The following CMC1 variants were observed in gnomAD, a reference collection of about 807,000 sequenced individuals.
CMC1 encodes the protein COX assembly mitochondrial protein homolog.
CMC1 carries 14 observed loss-of-function variants against 14.1 expected under a neutral mutation model. The observed-to-expected ratio is 0.99, with a 90% CI of 0.66 to 1.55. CMC1 has a LOEUF of 1.55. Ranked by LOEUF, CMC1 falls within the 40% of genes most tolerant of loss-of-function variation. The pLI is 0.00. For missense variants in CMC1, 127 were observed against 123.8 expected, an observed-to-expected ratio of 1.03 and a Z score of -0.12; for synonymous variants, 50 against 38.4, an observed-to-expected ratio of 1.30 and a Z score of -1.12.
In CMC1 at chr3:28,324,451, C is replaced by A; in HGVS notation, c.*4822C>A. The A allele has an allele frequency of 6.8e-7, 1 of 1,466,894 alleles. No homozygotes were observed. Among genetic ancestry groups the A allele is most frequent in the Non-Finnish European group, 9.1e-7 (1 of 1,103,956 alleles). 90.9% of individuals were successfully genotyped at this position (1,466,894 alleles called of 1,614,324 possible). Reference sequence around the variant, plus strand: ...GTCTTCACTGCATCCTACAGGGGCACAGGCTAAAAAGAAAACACAGACTAA... The same window carrying A: ...GTCTTCACTGCATCCTACAGGGGCAAAGGCTAAAAAGAAAACACAGACTAA... On this transcript the variant is annotated 3_prime_UTR_variant, in exon 4 of 4. Transcript: ENST00000466830.
chr3:28,258,652 C>T (rs574486616), intron 1 of CMC1, among the ~76,000 whole-genome samples: 2 of 138,976 alleles, frequency 1.4e-5, no homozygotes, highest in Admixed American at 7.5e-5. Flanking sequence ...TGGAATCTCG[C>T]ACTGTCACCC....
chr3:28,263,174 T>G (rs976916708), intron 1 of CMC1, 117 bp from the exon 2 acceptor site: 1 of 680,074 alleles, frequency 1.5e-6, no homozygotes, highest in African/African-American at 1.9e-5. Flanking sequence ...TTCATAAGGT[T>G]GTAAGTTTTG....
intron 2 of CMC1, among the ~76,000 whole-genome samples, chr3:28,287,215 G>A (rs536980018): frequency 1.3e-5 from 2 of 152,154 alleles, no homozygotes; most frequent in South Asian, 4.2e-4. Context: ...TCCTCTCTAC[G>A]TTTTATGAGA....
In CMC1 at chr3:28,323,719, C is replaced by T. The variant is rs2125631901; in HGVS notation, c.*4090C>T. 5.1e-6 allele frequency: 1 copy of T among 194,726 alleles called. No homozygotes were observed. The highest frequency in any genetic ancestry group is 1.2e-4 in the East Asian group (1 of 8,210). 12.1% of individuals were successfully genotyped at this position (194,726 alleles called of 1,614,324 possible). On this transcript the variant is annotated 3_prime_UTR_variant, in exon 4 of 4. Transcript: ENST00000466830. ...TTCACATTTTGTAAAACCACGTCTA[C>T]AATCTCCAATTCCATTCTTCTGAGA...
At chr3:28,258,189 T>G (rs1699524427) in intron 1 of CMC1, among the ~76,000 whole-genome samples, 1 of 150,818 alleles carries the variant, frequency 6.6e-6, no homozygotes, top group Non-Finnish European at 1.5e-5. Flanking sequence ...TGATATATTC[T>G]GGACTCAAGT....
intron 2 of CMC1, among the ~76,000 whole-genome samples, chr3:28,267,689 T>G (rs1700077315): frequency 6.6e-6 from 1 of 152,216 alleles, no homozygotes; most frequent in African/African-American, 2.4e-5. Flanking sequence ...AATGCGCTCT[T>G]CTGTCAATCA....
rs1316084627 is a variant in CMC1, at chr3:28,241,724, C to T, written c.-70C>T. 5 of 1,240,780 alleles carry T rather than the reference C, an allele frequency of 4.0e-6. No homozygotes were observed. Among genetic ancestry groups the T allele is most frequent in the Non-Finnish European group, 3.0e-6 (3 of 988,062 alleles). 76.9% of individuals were successfully genotyped at this position (1,240,780 alleles called of 1,614,324 possible). On this transcript the variant is annotated 5_prime_UTR_variant, in exon 1 of 4. Transcript: ENST00000466830. ...TCGCACGTGCGTCCGAGCCCAAGCC[C>T]CTCCCCTCCACTCCCCTTCCTGCGT...
chr3:28,310,596 G>A (rs1702588098), intron 2 of CMC1, among the ~76,000 whole-genome samples: 1 of 152,162 alleles, frequency 6.6e-6, no homozygotes, highest in South Asian at 2.1e-4. Flanking sequence ...AAAAACTAAT[G>A]CAGTATTTAC....
chr3:28,292,187 T>G (rs1255535161), intron 2 of CMC1, among the ~76,000 whole-genome samples: 1 of 152,124 alleles, frequency 6.6e-6, no homozygotes. Flanking sequence ...TTTTTCCTAC[T>G]TTTTGAAATT....
intron 1 of CMC1, chr3:28,242,035 C>G (rs552482103): frequency 2.4e-6 from 1 of 419,680 alleles, no homozygotes; most frequent in African/African-American, 2.0e-5. Flanking sequence ...TCTAAAGTAT[C>G]ATCCATTGTG....
At chr3:28,271,285 G>T (rs1042468486) in intron 2 of CMC1, among the ~76,000 whole-genome samples, 1 of 152,058 alleles carries the variant, frequency 6.6e-6, no homozygotes, top group African/African-American at 2.4e-5. Flanking sequence ...GTTTTGATAG[G>T]GATGGTGTTT....
Position 28,321,716 on chromosome 3 carries a change from A to G in CMC1, c.*2087A>G, listed in dbSNP as rs2125626668. On this transcript the variant is annotated 3_prime_UTR_variant, in exon 4 of 4. Coordinates refer to ENST00000466830, the MANE Select transcript of CMC1 (RefSeq NM_182523.2). ...CAGCTCTTCAAGTCTGAATTTTCCC[A>G]TTTATTTTGGTTTTCTAATGTTTCA... 6.6e-6 allele frequency: 1 copy of G among 151,284 alleles called. No homozygotes were observed. Among genetic ancestry groups the G allele is most frequent in the South Asian group, 2.1e-4 (1 of 4,828 alleles). The allele number at this position is 151,284 out of a possible 1,614,324, so 9.4% of individuals were successfully genotyped here.
intron 1 of CMC1, among the ~76,000 whole-genome samples, chr3:28,252,084 A>G (rs1455348671): frequency 6.6e-6 from 1 of 152,226 alleles, no homozygotes; most frequent in African/African-American, 2.4e-5. Context: ...TTATTGCATA[A>G]GTTAATTTCC....
At chr3:28,294,511 T>C (rs1220928774) in intron 2 of CMC1, 5 of 919,324 alleles carry the variant, frequency 5.4e-6, no homozygotes, top group South Asian at 5.0e-5. Context: ...GACGAACTTA[T>C]ATAGCTACAT....
At chr3:28,310,281 A>C (rs144223318) in intron 2 of CMC1, among the ~76,000 whole-genome samples, 42 of 152,324 alleles carry the variant, frequency 2.8e-4, no homozygotes, top group African/African-American at 9.9e-4. Context: ...GACTATTGTT[A>C]GCTCCCACAG....
intron 2 of CMC1, among the ~76,000 whole-genome samples, chr3:28,306,644 ATTT>A (rs201960912): frequency 1.4e-5 from 2 of 141,898 alleles, no homozygotes; most frequent in Admixed American, 7.1e-5. Flanking sequence ...AAAATGAAGA[ATTT>A]TTTTTTTTTT....
At chr3:28,266,694 CTTTGA>C (rs1186760075) in intron 2 of CMC1, among the ~76,000 whole-genome samples, 1 of 151,908 alleles carries the variant, frequency 6.6e-6, no homozygotes, top group Admixed American at 6.6e-5. Flanking sequence ...CCTTTTTGAA[CTTTGA>C]TTTGATTACA....
At chr3:28,284,324 A>C (rs1701057330) in intron 2 of CMC1, among the ~76,000 whole-genome samples, 1 of 152,160 alleles carries the variant, frequency 6.6e-6, no homozygotes, top group African/African-American at 2.4e-5. Flanking sequence ...AGATGATGAG[A>C]TTCAAATTGT....
chr3:28,245,768 T>C (rs1361444421), intron 1 of CMC1, among the ~76,000 whole-genome samples: 1 of 152,176 alleles, frequency 6.6e-6, no homozygotes, highest in Non-Finnish European at 1.5e-5. Flanking sequence ...GTACTCCAAG[T>C]TGGGGTTCTT....
Sources: gnomAD v4.1 joint callset for allele counts (sites outside exome capture counted in the v4.1 genomes callset) on GRCh38, gnomAD v4.1.1 for gene constraint, MANE v1.5 for transcripts, NCBI Gene and HGNC (gene_info 2026-07-23, HGNC 2026-07-21) for gene names.